Variants in NEMP2 observed in about 807,000 individuals in gnomAD.
NEMP2 encodes nuclear envelope integral membrane protein 2, also known as UPF0571 transmembrane protein.
A neutral mutation model predicts 54.2 loss-of-function variants in NEMP2; 53 were observed. The observed-to-expected ratio is 0.98, with a 90% CI of 0.78 to 1.23. The LOEUF (loss-of-function observed/expected upper bound fraction) is 1.23, where lower values mean the gene tolerates loss of function less well. Among genes scored for constraint, NEMP2 ranks in the 50% most tolerant of loss-of-function variants. The pLI is 0.00. For synonymous variants in NEMP2, 197 were observed against 190.3 expected (o/e 1.04, Z -0.29); for missense variants, 455 against 511.3 (o/e 0.89, Z 1.06).
At position 190,514,805 on chromosome 2, in the gene NEMP2, T is replaced by C. The variant is rs1690494872; in HGVS notation, c.728-127A>G. 2 of 842,232 alleles carry C rather than the reference T, an allele frequency of 2.4e-6. No homozygotes were observed. Among genetic ancestry groups the C allele is most frequent in the Non-Finnish European group, 3.7e-6 (2 of 541,176 alleles). 52.2% of individuals were successfully genotyped at this position (842,232 alleles called of 1,614,324 possible). A position where few individuals can be genotyped will look rare whatever the true frequency, so the allele number is the denominator to read the frequency against. On this transcript the variant is annotated intron_variant, in intron 6 of 8. Coordinates refer to ENST00000409150, the MANE Select transcript of NEMP2 (RefSeq NM_001142645.2). This position sits in a 1 kb window ranked among gnomAD's most constrained non-coding sequence, Gnocchi z 5.7. ...CTTAATTTTTGTGTTTTTTACCCCA[T>C]AAAGTAAGGTTGAAAAATGCACATA...
the NEMP2 span, among the ~76,000 whole-genome samples, chr2:190,428,444 A>G: frequency 6.6e-6 from 1 of 152,190 alleles, no homozygotes; most frequent in Non-Finnish European, 1.5e-5. Flanking sequence ...TAGTTGCTCC[A>G]CATCCTCATC....
the NEMP2 span, among the ~76,000 whole-genome samples, chr2:190,473,282 A>C: frequency 6.6e-6 from 1 of 152,352 alleles, no homozygotes; most frequent in African/African-American, 2.4e-5. Context: ...ATTAAAAGAC[A>C]CAGACTGGCA....
the NEMP2 span, among the ~76,000 whole-genome samples, chr2:190,577,247 T>C: frequency 4.6e-5 from 7 of 152,164 alleles, no homozygotes; most frequent in East Asian, 1.9e-4. This position sits in a 1 kb window ranked among gnomAD's most constrained non-coding sequence, Gnocchi z 4.8. Context: ...CTTACTCAAT[T>C]TTTTTTAACA....
the NEMP2 span, among the ~76,000 whole-genome samples, chr2:190,613,306 G>A: frequency 1.3e-5 from 2 of 152,010 alleles, no homozygotes; most frequent in Non-Finnish European, 2.9e-5. Flanking sequence ...TCAAGATGTA[G>A]CTATCTTCAT....
At chr2:190,450,327 T>C in the NEMP2 span, among the ~76,000 whole-genome samples, 5 of 152,154 alleles carry the variant, frequency 3.3e-5, no homozygotes, top group Non-Finnish European at 7.3e-5. Flanking sequence ...GCTTACTTCA[T>C]AGCATACCTC....
chr2:190,644,700 C>T, the NEMP2 span, among the ~76,000 whole-genome samples: 1 of 151,894 alleles, frequency 6.6e-6, no homozygotes, highest in Non-Finnish European at 1.5e-5. The surrounding 1 kb of genome is among the most constrained non-coding windows in gnomAD (Gnocchi z 4.4). Context: ...ATGATAAGAA[C>T]TCATGGACAC....
rs1690301662 is a variant in NEMP2, at chr2:190,510,023, A to G, written c.1130+338T>C. ...ACCATTGCACTCCAGCCTGGGTGAC[A>G]GAGCAAGACTCCATCTAAAACAAAA... On this transcript the variant is annotated intron_variant, in intron 8 of 8. Transcript: ENST00000409150. The surrounding 1 kb of genome is among the most constrained non-coding windows in gnomAD (Gnocchi z 5.7). Among the ~76,000 whole-genome samples the G allele has an allele frequency of 6.6e-6, 1 of 152,260 alleles. No homozygotes were observed. The highest frequency in any genetic ancestry group is 2.1e-4 in the South Asian group (1 of 4,832).
chr2:190,563,032 A>G, the NEMP2 span, among the ~76,000 whole-genome samples: 1 of 152,256 alleles, frequency 6.6e-6, no homozygotes, highest in African/African-American at 2.4e-5. This position sits in a 1 kb window ranked among gnomAD's most constrained non-coding sequence, Gnocchi z 4.3. Context: ...GCAAAATTTT[A>G]TAAACACAAA....
chr2:190,496,658 A>T, the NEMP2 span, among the ~76,000 whole-genome samples: 1 of 151,794 alleles, frequency 6.6e-6, no homozygotes, highest in Non-Finnish European at 1.5e-5. The surrounding 1 kb of genome is among the most constrained non-coding windows in gnomAD (Gnocchi z 4.7). Context: ...ATATGTGTAT[A>T]TGTGTGTGTA....
At chr2:190,572,688 G>C in the NEMP2 span, among the ~76,000 whole-genome samples, 1 of 150,884 alleles carries the variant, frequency 6.6e-6, no homozygotes, top group East Asian at 1.9e-4. Context: ...GTTACTACAT[G>C]GTCTTCAGAA....
chr2:190,421,987 T>C, the NEMP2 span, among the ~76,000 whole-genome samples: 2 of 152,212 alleles, frequency 1.3e-5, no homozygotes, highest in African/African-American at 2.4e-5. Flanking sequence ...AACTTTCTCA[T>C]TTCTCTGACT....
the NEMP2 span, chr2:190,436,772 C>T: frequency 8.2e-5 from 133 of 1,614,216 alleles, no homozygotes; most frequent in Non-Finnish European, 1.1e-4. This position sits in a 1 kb window ranked among gnomAD's most constrained non-coding sequence, Gnocchi z 5.3. Context: ...AGCACAGCAA[C>T]CCCTGTCTCC....
rs1261925234 is a variant in NEMP2 at position 190,516,293 on chromosome 2, T to C, written c.704A>G (p.Tyr235Cys). Residue 235 changes from tyrosine to cysteine, a missense_variant, in exon 6 of 9, where the codon TAT becomes TGT. By Grantham distance (194) the Tyr-to-Cys change is radical (BLOSUM62 -2). Coordinates refer to ENST00000409150, the MANE Select transcript of NEMP2 (RefSeq NM_001142645.2). ...QLMEDLKWLWYENRIYVLGYV... is the reference protein window; with the variant it reads ...QLMEDLKWLWCENRIYVLGYV... ...ACCTAATACATATATCCTGTTTTCA[T>C]ACCACAGCCACTTCAGATCTTCCAT... 1 of 1,550,944 alleles carries C rather than the reference T, an allele frequency of 6.4e-7. No homozygotes were observed. The highest frequency in any genetic ancestry group is 2.4e-5 in the East Asian group (1 of 40,904).
Position 190,533,972 on chromosome 2 carries a change from T to A in NEMP2, c.97+587A>T. ...CTTGCTTCCTGTGTGCCAGGCATTG[T>A]GCACACGAACACCACAAGAACCTTG... On this transcript the variant is annotated intron_variant, in intron 1 of 8. Transcript: ENST00000409150. This position sits in a 1 kb window ranked among gnomAD's most constrained non-coding sequence, Gnocchi z 4.3. 1.0e-6 allele frequency: 1 copy of A among 985,286 alleles called. No homozygotes were observed. The highest frequency in any genetic ancestry group is 1.2e-6 in the Non-Finnish European group (1 of 829,868). 61.0% of individuals were successfully genotyped at this position (985,286 alleles called of 1,614,324 possible).
At chr2:190,498,826 C>T in the NEMP2 span, among the ~76,000 whole-genome samples, 49 of 152,174 alleles carry the variant, frequency 3.2e-4, 1 homozygote, top group African/African-American at 9.2e-4. The surrounding 1 kb of genome is among the most constrained non-coding windows in gnomAD (Gnocchi z 5.9). Context: ...TTTGATGTGG[C>T]GCTTTTTTTC....
chr2:190,489,859 G>C, the NEMP2 span: 1 of 1,613,538 alleles, frequency 6.2e-7, no homozygotes, highest in African/African-American at 1.3e-5. This position sits in a 1 kb window ranked among gnomAD's most constrained non-coding sequence, Gnocchi z 6.6. Context: ...TGCCAGATGA[G>C]GAAGAAGGTA....
chr2:190,445,166 T>C, the NEMP2 span, among the ~76,000 whole-genome samples: 5 of 152,194 alleles, frequency 3.3e-5, no homozygotes, highest in African/African-American at 1.2e-4. Flanking sequence ...TTTATTCATC[T>C]GTAAATCTGG....
chr2:190,642,700 T>A, the NEMP2 span, among the ~76,000 whole-genome samples: 1 of 152,132 alleles, frequency 6.6e-6, no homozygotes, highest in Non-Finnish European at 1.5e-5. The surrounding 1 kb of genome is among the most constrained non-coding windows in gnomAD (Gnocchi z 4.1). Context: ...CAGTTAATTG[T>A]AGGGCTACCA....
upstream of NEMP2, chr2:190,534,833 C>T: frequency 2.3e-6 from 1 of 438,444 alleles, no homozygotes; most frequent in Non-Finnish European, 3.8e-6. Context: ...CTCCAGCCTC[C>T]GCCCGCGGCC....
Sources: allele counts gnomAD v4.1 joint callset (sites outside exome capture counted in the v4.1 genomes callset), GRCh38; gene constraint gnomAD v4.1.1; non-coding constraint Gnocchi (gnomAD v3.1); transcripts MANE v1.5; gene names NCBI Gene and HGNC (gene_info 2026-07-23, HGNC 2026-07-21).